The following HSP90AA1 variants were observed in gnomAD, a reference collection of about 807,000 sequenced individuals.
The protein encoded by HSP90AA1 is heat shock protein HSP 90-alpha.
In HSP90AA1, 18 loss-of-function variants were observed where a neutral mutation model predicts 73.3. That is an observed-to-expected ratio of 0.25 (90% CI 0.17 to 0.36). The LOEUF is 0.36. Ranked by LOEUF, HSP90AA1 falls within the 10% of genes least tolerant of loss-of-function variation. The probability of loss-of-function intolerance (pLI) is 1.00; values close to 1 mark genes in which losing one functional copy is unlikely to be tolerated. For synonymous variants in HSP90AA1, 477 were observed against 296.9 expected (o/e 1.61, Z -6.24); for missense variants, 704 against 874.2 (o/e 0.81, Z 2.45).
chr14:102,122,792 C>T (rs530279241), intron 1 of HSP90AA1, among the ~76,000 whole-genome samples: 24 of 151,888 alleles, frequency 1.6e-4, no homozygotes, highest in African/African-American at 2.2e-4. Flanking sequence ...TTCAGCCTCC[C>T]GAGTAGCTGG....
At chr14:102,133,742 C>G (rs1307039446) in intron 1 of HSP90AA1, among the ~76,000 whole-genome samples, 2 of 152,114 alleles carry the variant, frequency 1.3e-5, no homozygotes, top group Non-Finnish European at 2.9e-5. Flanking sequence ...CTCAGCCTCC[C>G]AAAGTGCTGG....
rs184790086 is a variant in HSP90AA1 at position 102,137,106 on chromosome 14, C to T, written c.155+2144G>A. Among the ~76,000 whole-genome samples the T allele has an allele frequency of 5.9e-3, 892 of 151,530 alleles. 34 individuals are homozygous for T. Among genetic ancestry groups the T allele is most frequent in the East Asian group, 2.0e-3 (10 of 5,094 alleles). On this transcript the variant is annotated intron_variant, in intron 1 of 11. Coordinates refer to the HSP90AA1 transcript ENST00000334701. Reference sequence around the variant, plus strand: ...GCATGCGCCTGTAATCCCAGCTATTCGGGAGACTGGGGCAGGAGAATTGCT... The same window carrying T: ...GCATGCGCCTGTAATCCCAGCTATTTGGGAGACTGGGGCAGGAGAATTGCT...
upstream of HSP90AA1, among the ~76,000 whole-genome samples, chr14:102,087,592 G>A (rs1468115776): frequency 1.3e-5 from 2 of 152,262 alleles, no homozygotes; most frequent in East Asian, 1.9e-4. Context: ...CGCTGCCAAA[G>A]AATCCAGCCG....
At position 102,086,998 on chromosome 14, in the gene HSP90AA1, A is replaced by T; in HGVS notation, c.-13T>A. ...AACCACCCGTCACCTTGGCTAAGTGACCGCACAGGACCAACGGCACAGCCA... is the reference window on the plus strand; with the variant it reads ...AACCACCCGTCACCTTGGCTAAGTGTCCGCACAGGACCAACGGCACAGCCA... On this transcript the variant is annotated 5_prime_UTR_variant, in exon 1 of 11. Coordinates refer to ENST00000216281, the MANE Select transcript of HSP90AA1 (RefSeq NM_005348.4). 1 of 983,820 alleles carries T rather than the reference A, an allele frequency of 1.0e-6. No individual in the cohort carries two copies. Among genetic ancestry groups the T allele is most frequent in the Non-Finnish European group, 1.2e-6 (1 of 829,662 alleles). 60.9% of individuals were successfully genotyped at this position (983,820 alleles called of 1,614,324 possible). A position where few individuals can be genotyped will look rare whatever the true frequency, so the allele number is the denominator to read the frequency against.
chr14:102,097,509 G>C (rs1595666965), intron 2 of HSP90AA1, among the ~76,000 whole-genome samples: 1 of 152,150 alleles, frequency 6.6e-6, no homozygotes, highest in South Asian at 2.1e-4. Flanking sequence ...TGCTGCTCCT[G>C]TTCTGGTCTT....
At chr14:102,113,859 T>C (rs977029675) in intron 1 of HSP90AA1, among the ~76,000 whole-genome samples, 3 of 152,018 alleles carry the variant, frequency 2.0e-5, no homozygotes, top group Non-Finnish European at 2.9e-5. Context: ...TACAAGCGCC[T>C]GCCACCATGC....
chr14:102,139,655 G>A (rs2050212075), exon 1 of HSP90AA1: 1 of 647,174 alleles, frequency 1.5e-6, no homozygotes, highest in Non-Finnish European at 2.6e-6. Context: ...GCATCACCTG[G>A]GAAGCAGCCA....
In HSP90AA1 at chr14:102,086,459, T is replaced by C. The variant is rs1040928630; in HGVS notation, c.1-81A>G. 5 of 1,484,726 alleles carry C rather than the reference T, an allele frequency of 3.4e-6. No homozygotes were observed. The Admixed American group carries it at 5.0e-5, about 15-fold the overall frequency. 92.0% of individuals were successfully genotyped at this position (1,484,726 alleles called of 1,614,324 possible). ...GAAATTCCATCGCGTTCTCCAAATA[T>C]TTTTAAAGCCGAATTGGAGATTTGC... On this transcript the variant is annotated intron_variant, in intron 1 of 10. Transcript: ENST00000216281.
At chr14:102,121,284 G>A (rs2152624226) in intron 1 of HSP90AA1, among the ~76,000 whole-genome samples, 1 of 152,254 alleles carries the variant, frequency 6.6e-6, no homozygotes, top group African/African-American at 2.4e-5. Flanking sequence ...CAGCTGTAAA[G>A]TATGTCATTT....
At chr14:102,082,577 G>A (rs1033390331) in intron 9 of HSP90AA1, 133 bp from the exon 10 acceptor site, 39 of 717,726 alleles carry the variant, frequency 5.4e-5, no homozygotes, top group South Asian at 2.2e-4. Context: ...CTTAAATGTC[G>A]CATTAGGTAT....
At chr14:102,093,507 G>C (rs1276227933) in intron 2 of HSP90AA1, among the ~76,000 whole-genome samples, 1 of 150,806 alleles carries the variant, frequency 6.6e-6, no homozygotes, top group Non-Finnish European at 1.5e-5. Context: ...AAAAAATTCT[G>C]TCATTTCTTG....
intron 1 of HSP90AA1, among the ~76,000 whole-genome samples, chr14:102,105,054 A>C (rs2049546319): frequency 6.6e-6 from 1 of 150,920 alleles, no homozygotes; most frequent in Non-Finnish European, 1.5e-5. Context: ...AAAAAAAAAA[A>C]AAATTCAGCC....
intron 9 of HSP90AA1, chr14:102,082,750 G>T (rs957565892): frequency 2.0e-6 from 1 of 501,818 alleles, no homozygotes; most frequent in African/African-American, 1.9e-5. Context: ...CCTCCCAAGT[G>T]GCTAGGATTA....
At chr14:102,134,731 C>T (rs2049959991) in intron 1 of HSP90AA1, among the ~76,000 whole-genome samples, 1 of 152,150 alleles carries the variant, frequency 6.6e-6, no homozygotes, top group South Asian at 2.1e-4. Flanking sequence ...GTGAGTGTTA[C>T]AGCTCATAAA....
intron 2 of HSP90AA1, among the ~76,000 whole-genome samples, chr14:102,096,715 C>T (rs986328673): frequency 1.1e-4 from 17 of 152,226 alleles, no homozygotes; most frequent in Admixed American, 5.9e-4. Flanking sequence ...TCCAGCGGGA[C>T]CAAATGGGAA....
intron 1 of HSP90AA1, among the ~76,000 whole-genome samples, chr14:102,103,502 A>T (rs1566728677): frequency 6.6e-6 from 1 of 152,052 alleles, no homozygotes; most frequent in Admixed American, 6.6e-5. Context: ...AGCCTGGGCA[A>T]CATGGTAAAA....
At chr14:102,110,205 T>G (rs1471880087) in intron 1 of HSP90AA1, among the ~76,000 whole-genome samples, 6 of 152,076 alleles carry the variant, frequency 3.9e-5, no homozygotes, top group African/African-American at 1.4e-4. Context: ...AGTGCTGGGA[T>G]TACAGGTGTG....
upstream of HSP90AA1, among the ~76,000 whole-genome samples, chr14:102,088,036 C>T (rs750924803): frequency 6.6e-6 from 1 of 150,830 alleles, no homozygotes; most frequent in Non-Finnish European, 1.5e-5. Flanking sequence ...AGCCTCGACC[C>T]TCCCGGGCTC....
At chr14:102,129,969 T>G (rs28815901) in intron 1 of HSP90AA1, among the ~76,000 whole-genome samples, 11 of 152,020 alleles carry the variant, frequency 7.2e-5, no homozygotes, top group African/African-American at 2.4e-4. Flanking sequence ...TGAAATTTTT[T>G]TTTTGTTTTG....
Sources: gnomAD v4.1 joint callset for allele counts (sites outside exome capture counted in the v4.1 genomes callset) on GRCh38, gnomAD v4.1.1 for gene constraint, MANE v1.5 for transcripts, NCBI Gene and HGNC (gene_info 2026-07-23, HGNC 2026-07-21) for gene names.